The following ZFP1 variants were observed in gnomAD, a reference collection of about 807,000 sequenced individuals.
The protein encoded by ZFP1 is zinc finger protein 1 homolog.
ZFP1 carries 32 observed loss-of-function variants against 38.5 expected under a neutral mutation model. The observed-to-expected ratio is 0.83, with a 90% CI of 0.63 to 1.12. The LOEUF is 1.12. Among genes scored for constraint, ZFP1 ranks in the 50% most tolerant of loss-of-function variants. The pLI is 0.00. For missense variants in ZFP1, 616 were observed against 480.8 expected (o/e 1.28, Z -2.63); for synonymous variants, 245 against 168.8 (o/e 1.45, Z -3.50).
the ZFP1 span, among the ~76,000 whole-genome samples, chr16:75,132,042 C>A: frequency 1.3e-5 from 2 of 151,880 alleles, no homozygotes; most frequent in African/African-American, 2.4e-5. Flanking sequence ...TCTCATAAAT[C>A]TTTTTATCTG....
At position 75,171,043 on chromosome 16, in the gene ZFP1, A is replaced by G. The variant is rs370212577; in HGVS notation, c.*709A>G. On this transcript the variant is annotated 3_prime_UTR_variant, in exon 4 of 4. Coordinates refer to ENST00000570010, the MANE Select transcript of ZFP1 (RefSeq NM_153688.4). ...TATGCAAATGTGAAATAACCGATCTATAACGTGAAGGAGGCAGACATGAGC... is the reference window on the plus strand; with the variant it reads ...TATGCAAATGTGAAATAACCGATCTGTAACGTGAAGGAGGCAGACATGAGC... 4.6e-5 allele frequency: 7 copies of G among 152,298 alleles called. No individual in the cohort carries two copies. Among genetic ancestry groups the G allele is most frequent in the Admixed American group, 2.6e-4 (4 of 15,292 alleles). 9.4% of individuals were successfully genotyped at this position (152,298 alleles called of 1,614,324 possible).
chr16:75,170,269 A>C lies in ZFP1; in HGVS notation c.1159A>C (p.Lys387Gln), dbSNP rs1239373514. 1 of 1,613,040 alleles carries C rather than the reference A, an allele frequency of 6.2e-7. No individual in the cohort carries two copies. The highest frequency in any genetic ancestry group is 1.3e-5 in the African/African-American group (1 of 75,006). The stretch of plus-strand genomic sequence containing the variant: ...ACCATATGAGTGTTCCGAATGTGGG[A>C]AGGCCTTTAGCAGGAAGTCCCGACT... ...EKPYECSECG[K>Q]AFSRKSRLSV... The change falls in exon 4 of 4, where the codon AAG becomes CAG. Residue 387 changes from lysine (K) to glutamine (Q), a missense_variant. Lys to Gln is a moderately conservative substitution (Grantham distance 53). Coordinates refer to ENST00000570010, the MANE Select transcript of ZFP1 (RefSeq NM_153688.4).
In ZFP1 at chr16:75,171,138, C is replaced by CT. The variant is rs769718141; in HGVS notation, c.*806dup. The stretch of plus-strand genomic sequence containing the variant: ...AGACAATATCCCCATTCGTCATGCT[C>CT]TTATTTTCCCGTGGGATATTTGCAT... On this transcript the variant is annotated 3_prime_UTR_variant, in exon 4 of 4. Coordinates refer to ENST00000570010, the MANE Select transcript of ZFP1 (RefSeq NM_153688.4). 2.4e-4 allele frequency: 36 copies of CT among 152,302 alleles called. No homozygotes were observed. The highest frequency in any genetic ancestry group is 4.7e-4 in the Non-Finnish European group (32 of 68,030). 9.4% of individuals were successfully genotyped at this position (152,302 alleles called of 1,614,324 possible).
intron 2 of ZFP1, among the ~76,000 whole-genome samples, chr16:75,166,358 C>T (rs929569690): frequency 3.9e-5 from 6 of 152,162 alleles, no homozygotes; most frequent in Non-Finnish European, 5.9e-5. Flanking sequence ...TCAGCTCCCC[C>T]ACGTAGCTGG....
At chr16:75,151,499 A>G (rs1175319201) in intron 1 of ZFP1, among the ~76,000 whole-genome samples, 1 of 151,882 alleles carries the variant, frequency 6.6e-6, no homozygotes, top group Admixed American at 6.6e-5. Flanking sequence ...GTCTTATTGT[A>G]TATTTGTAAA....
intron 2 of ZFP1, among the ~76,000 whole-genome samples, chr16:75,165,947 TTTTGA>T (rs1313241468): frequency 6.6e-6 from 1 of 152,192 alleles, no homozygotes; most frequent in East Asian, 1.9e-4. Context: ...TACTGACATT[TTTTGA>T]CTAATCATTT....
At chr16:75,150,562 G>T (rs1197271398) in intron 1 of ZFP1, among the ~76,000 whole-genome samples, 1 of 152,096 alleles carries the variant, frequency 6.6e-6, no homozygotes, top group Non-Finnish European at 1.5e-5. Flanking sequence ...TTCTGATTTG[G>T]TCAGAATACT....
the ZFP1 span, among the ~76,000 whole-genome samples, chr16:75,140,392 G>T: frequency 6.6e-6 from 1 of 152,022 alleles, no homozygotes; most frequent in African/African-American, 2.4e-5. Flanking sequence ...AACAGAGCGA[G>T]ATCTTGTCTC....
At chr16:75,123,515 T>C in the ZFP1 span, among the ~76,000 whole-genome samples, 2 of 132,418 alleles carry the variant, frequency 1.5e-5, no homozygotes, top group Non-Finnish European at 3.2e-5. Context: ...GAAAACATTC[T>C]TTTTTTTTGG....
At position 75,169,487 on chromosome 16, in the gene ZFP1, A is replaced by T; in HGVS notation, c.377A>T (p.Tyr126Phe). The T allele has an allele frequency of 7.4e-6, 12 of 1,612,978 alleles. No homozygotes were observed. Among genetic ancestry groups the T allele is most frequent in the Non-Finnish European group, 1.0e-5 (12 of 1,179,808 alleles). The part of the protein sequence containing the change: ...NSDLLNSNRS[Y>F]AGKQTDECNE... Reference sequence around the variant, plus strand: ...GACTTGCTTAATAGTAATAGAAGCTATGCAGGAAAGCAGACTGATGAGTGT... The same window carrying T: ...GACTTGCTTAATAGTAATAGAAGCTTTGCAGGAAAGCAGACTGATGAGTGT... Residue 126 changes from tyrosine (Y) to phenylalanine (F), a missense_variant, in exon 4 of 4, where the codon TAT becomes TTT. Coordinates refer to ENST00000570010, the MANE Select transcript of ZFP1 (RefSeq NM_153688.4).
chr16:75,170,090 G>T lies in ZFP1; in HGVS notation c.980G>T (p.Ser327Ile). 1 of 1,614,086 alleles carries T rather than the reference G, an allele frequency of 6.2e-7. No individual in the cohort carries two copies. Among genetic ancestry groups the T allele is most frequent in the East Asian group, 2.2e-5 (1 of 44,882 alleles). ...IHTGEKRYEC[S>I]ECGKSFIQNS... ...ACGGGGGAGAAACGCTATGAGTGCA[G>T]TGAATGTGGAAAATCCTTTATCCAG... Residue 327 changes from serine (S) to isoleucine (I), a missense_variant, in exon 4 of 4, where the codon AGT becomes ATT. By Grantham distance (142) the Ser-to-Ile change is moderately radical. Coordinates refer to ENST00000570010, the MANE Select transcript of ZFP1 (RefSeq NM_153688.4).
At chr16:75,155,774 A>G (rs982585650) in intron 2 of ZFP1, among the ~76,000 whole-genome samples, 2 of 152,222 alleles carry the variant, frequency 1.3e-5, no homozygotes, top group African/African-American at 4.8e-5. Flanking sequence ...TTCCTTAAAG[A>G]CTTTACCACT....
chr16:75,162,621 C>G (rs1451170226), intron 2 of ZFP1, among the ~76,000 whole-genome samples: 1 of 152,064 alleles, frequency 6.6e-6, no homozygotes, highest in African/African-American at 2.4e-5. Flanking sequence ...GATCATGTCA[C>G]CAAGTAGTGA....
rs1262969502 is a variant in ZFP1 at position 75,170,342 on chromosome 16, G to A, written c.*8G>A. On this transcript the variant is annotated 3_prime_UTR_variant, in exon 4 of 4. Transcript: ENST00000570010. Reference sequence around the variant, plus strand: ...ATCGGGGAGAAACCCTGAAACTCCAGCCAGGTCTTACTGTGGAAAACTCCT... The same window carrying A: ...ATCGGGGAGAAACCCTGAAACTCCAACCAGGTCTTACTGTGGAAAACTCCT... 6.4e-7 allele frequency: 1 copy of A among 1,559,260 alleles called. No individual in the cohort carries two copies. The highest frequency in any genetic ancestry group is 8.7e-7 in the Non-Finnish European group (1 of 1,152,386).
At chr16:75,119,663 A>C in the ZFP1 span, 6 of 152,230 alleles carry the variant, frequency 3.9e-5, no homozygotes, top group Non-Finnish European at 8.8e-5. Context: ...ACCACTAGAA[A>C]GCTTAGTAAT....
chr16:75,152,872 C>G, intron 1 of ZFP1, 37 bp from the exon 2 acceptor site: 4 of 1,595,068 alleles, frequency 2.5e-6, no homozygotes, highest in Non-Finnish European at 3.4e-6. Flanking sequence ...CAGGTCAGAC[C>G]TTTAATAACA....
chr16:75,122,454 C>T, the ZFP1 span, among the ~76,000 whole-genome samples: 6 of 152,028 alleles, frequency 3.9e-5, no homozygotes, highest in Non-Finnish European at 8.8e-5. Context: ...TTAGGACTGG[C>T]GGGAAAGTTG....
At chr16:75,166,258 A>G (rs566676966) in intron 2 of ZFP1, among the ~76,000 whole-genome samples, 1 of 152,320 alleles carries the variant, frequency 6.6e-6, no homozygotes, top group East Asian at 1.9e-4. Flanking sequence ...TTTTTGAGAC[A>G]GTCTTACTCT....
intron 2 of ZFP1, 186 bp from the exon 3 acceptor site, chr16:75,166,584 G>C: frequency 1.0e-6 from 1 of 985,270 alleles, no homozygotes; most frequent in Non-Finnish European, 1.2e-6. Flanking sequence ...CAGAGATATA[G>C]GGGAATCTGA....
Sources: allele counts gnomAD v4.1 joint callset (sites outside exome capture counted in the v4.1 genomes callset), GRCh38; gene constraint gnomAD v4.1.1; transcripts MANE v1.5; gene names NCBI Gene and HGNC (gene_info 2026-07-23, HGNC 2026-07-21).